The following PHF19 variants were observed in gnomAD, a reference collection of about 807,000 sequenced individuals.
The protein encoded by PHF19 is polycomb like 3.
Under a neutral mutation model 79.8 loss-of-function variants are expected in PHF19, and 21 were observed. That is an observed-to-expected ratio of 0.26 (90% confidence interval 0.19 to 0.38). PHF19 has a LOEUF of 0.38. Among genes scored for constraint, PHF19 ranks in the 10% least tolerant of loss-of-function variants. The pLI is 1.00. For missense variants in PHF19, 445 were observed against 744.2 expected, an observed-to-expected ratio of 0.60 and a Z score of 4.68; for synonymous variants, 273 against 296.3, an observed-to-expected ratio of 0.92 and a Z score of 0.81.
chr9:120,865,898 C>T (rs1357135780), intron 8 of PHF19, 68 bp from the exon 9 acceptor site: 1 of 1,610,434 alleles, frequency 6.2e-7, no homozygotes, highest in Non-Finnish European at 8.5e-7. Context: ...TCACAGCTTT[C>T]TGGGTCCAGG....
rs2045398283 is a variant in PHF19 at position 120,858,025 on chromosome 9, C to G, written c.1662G>C (p.Lys554Asn). The change falls in exon 15 of 15, where the codon AAG becomes AAC. Residue 554 changes from lysine to asparagine, a missense_variant. Coordinates refer to ENST00000373896, the MANE Select transcript of PHF19 (RefSeq NM_015651.3). Reference protein sequence around the residue: ...GAAGRLACGEKYQVLARRVTP... With the variant: ...GAAGRLACGENYQVLARRVTP... ...TGACCCTCCGAGCCAACACCTGGTA[C>G]TTCTCCCCACAGGCCAACCGCCCAG... The G allele has an allele frequency of 4.3e-6, 7 of 1,614,074 alleles. No homozygotes were observed. The Admixed American group carries it at 1.0e-4, about 23-fold the overall frequency.
At chr9:120,861,374 C>G (rs1389360841) in intron 12 of PHF19, among the ~76,000 whole-genome samples, 200 bp from the exon 13 acceptor site, 1 of 152,118 alleles carries the variant, frequency 6.6e-6, no homozygotes. Flanking sequence ...GCTGACTGTA[C>G]GACCTTCACG....
chr9:120,887,080 A>AAAGAG (rs146940278), intron 1 of PHF19, among the ~76,000 whole-genome samples: 3 of 151,392 alleles, frequency 2.0e-5, no homozygotes, highest in Non-Finnish European at 2.9e-5. Context: ...AAAAAAAAGA[A>AAAGAG]AAGAAAAGAA....
rs750958179 is a variant in PHF19 at position 120,869,356 on chromosome 9, A to C, written c.466-26T>G. On this transcript the variant is annotated intron_variant, in intron 5 of 14. Coordinates refer to ENST00000373896, the MANE Select transcript of PHF19 (RefSeq NM_015651.3). This position sits in a 1 kb window ranked among gnomAD's most constrained non-coding sequence, Gnocchi z 5.8. ...CTGGGGGGAGACGAGGGCCCCAGTCAACCACCAGGTCCGGGTGGACCACGC... is the reference window on the plus strand; with the variant it reads ...CTGGGGGGAGACGAGGGCCCCAGTCCACCACCAGGTCCGGGTGGACCACGC... 1 of 1,607,806 alleles carries C rather than the reference A, an allele frequency of 6.2e-7. No homozygotes were observed. Among genetic ancestry groups the C allele is most frequent in the South Asian group, 1.1e-5 (1 of 90,116 alleles).
chr9:120,874,888 C>A lies in PHF19; in HGVS notation c.-15-132G>T. On this transcript the variant is annotated intron_variant, in intron 1 of 14. Transcript: ENST00000373896. This position sits in a 1 kb window ranked among gnomAD's most constrained non-coding sequence, Gnocchi z 4.5. ...CTTGGTTATTATCTCACTGATTCCT[C>A]GTGACCATCCTATGAGGGAGACATT... The A allele has an allele frequency of 1.6e-6, 1 of 608,938 alleles. No individual in the cohort carries two copies. 37.7% of individuals were successfully genotyped at this position (608,938 alleles called of 1,614,324 possible). A position where few individuals can be genotyped will look rare whatever the true frequency, so the allele number is the denominator to read the frequency against.
Position 120,862,636 on chromosome 9 carries a change from T to G in PHF19, c.1082A>C (p.Glu361Ala). ...LLPDKGLLPN[E>A]NSASSELRKR... ...ACGCAGCTCAGAGGAGGCGCTGTTC[T>G]CATTTGGCAGCAGTCCTTTGTCAGG... Residue 361 changes from glutamate (E) to alanine (A), a missense_variant, in exon 11 of 15, where the codon GAG becomes GCG. Glu to Ala is a moderately radical substitution (Grantham distance 107). Coordinates refer to ENST00000373896, the MANE Select transcript of PHF19 (RefSeq NM_015651.3). This position sits in a 1 kb window ranked among gnomAD's most constrained non-coding sequence, Gnocchi z 4.6. 1 of 1,614,192 alleles carries G rather than the reference T, an allele frequency of 6.2e-7. No individual in the cohort carries two copies. The highest frequency in any genetic ancestry group is 1.3e-5 in the African/African-American group (1 of 75,062).
rs375497287 is a variant in PHF19, at chr9:120,869,169, C to T, written c.614+13G>A. ...TGCCCTGCCGCCCGGGGGGCCCTGA[C>T]CCCCTGCCTTACTCTCCGGGCCCGC... On this transcript the variant is annotated intron_variant, in intron 6 of 14. Transcript: ENST00000373896. The surrounding 1 kb of genome is among the most constrained non-coding windows in gnomAD (Gnocchi z 5.8). The T allele has an allele frequency of 3.7e-6, 6 of 1,602,658 alleles. No individual in the cohort carries two copies. In the African/African-American group the frequency reaches 8.0e-5, roughly 21 times the overall value.
chr9:120,861,365 C>A (rs1489865718), intron 12 of PHF19, among the ~76,000 whole-genome samples, 191 bp from the exon 13 acceptor site: 1 of 152,232 alleles, frequency 6.6e-6, no homozygotes, highest in African/African-American at 2.4e-5. Context: ...TTGTCTCTAG[C>A]TGACTGTACG....
intron 1 of PHF19, among the ~76,000 whole-genome samples, chr9:120,884,359 C>CCG (rs765585575): frequency 3.3e-5 from 5 of 152,132 alleles, no homozygotes; most frequent in Non-Finnish European, 7.3e-5. Flanking sequence ...ATGAGTCGAT[C>CCG]CGCGTGAGGT....
chr9:120,897,668 T>C (rs993978853), upstream of PHF19, among the ~76,000 whole-genome samples: 2 of 152,068 alleles, frequency 1.3e-5, no homozygotes, highest in African/African-American at 4.8e-5. Flanking sequence ...GTCATCAATA[T>C]AAAAATACGA....
intron 9 of PHF19, among the ~76,000 whole-genome samples, chr9:120,864,917 G>A (rs2045653482): frequency 6.6e-6 from 1 of 151,334 alleles, no homozygotes; most frequent in Non-Finnish European, 1.5e-5. Context: ...ATACTTTTTG[G>A]TACTTTAAAG....
upstream of PHF19, among the ~76,000 whole-genome samples, chr9:120,880,727 T>C (rs535004459): frequency 6.6e-6 from 1 of 152,156 alleles, no homozygotes; most frequent in South Asian, 2.1e-4. Context: ...TGGGAGGCTA[T>C]GGTGGGAAGA....
In PHF19 at chr9:120,866,063, C is replaced by T. The variant is rs755901305; in HGVS notation, c.744G>A (p.Gln248=). ...GCAGCCTCTCGATGTACTCTGGGCC[C>T]TGGTTACACACGGAGCAGAAGAACA... is the stretch of plus-strand genomic sequence containing the variant. ...FYLFFCSVCN[Q]GPEYIERLPL... is the part of the protein sequence containing the mutation. The change falls in exon 8 of 15, where the codon CAG becomes CAA. Residue 248 remains glutamine (Q), a synonymous_variant. Coordinates refer to ENST00000373896, the MANE Select transcript of PHF19 (RefSeq NM_015651.3). This position sits in a 1 kb window ranked among gnomAD's most constrained non-coding sequence, Gnocchi z 5.2. 3.1e-6 allele frequency: 5 copies of T among 1,613,900 alleles called. No homozygotes were observed. In the South Asian group the frequency reaches 3.3e-5, roughly 11 times the overall value.
In PHF19 at chr9:120,874,749, C is replaced by T. The variant is rs369855712; in HGVS notation, c.-8G>A. 1.0e-4 allele frequency: 164 copies of T among 1,608,466 alleles called. 1 individual carries two copies. The highest frequency in any genetic ancestry group is 1.3e-4 in the Non-Finnish European group (156 of 1,175,518). On this transcript the variant is annotated 5_prime_UTR_variant, in exon 2 of 15. Transcript: ENST00000373896. This position sits in a 1 kb window ranked among gnomAD's most constrained non-coding sequence, Gnocchi z 4.5. Reference sequence around the variant, plus strand: ...CAGAGCTCGATTCTCCATCAGCTTCCCCTGACACTGGGAGAGAAAGAACAG... The same window carrying T: ...CAGAGCTCGATTCTCCATCAGCTTCTCCTGACACTGGGAGAGAAAGAACAG...
upstream of PHF19, among the ~76,000 whole-genome samples, chr9:120,877,566 C>T (rs186336010): frequency 1.9e-4 from 29 of 152,192 alleles, no homozygotes; most frequent in East Asian, 5.0e-3. Context: ...CGCACACGAC[C>T]GCTCGCACAC....
chr9:120,863,819 GC>G (rs1480454365), intron 10 of PHF19, among the ~76,000 whole-genome samples: 3 of 152,210 alleles, frequency 2.0e-5, no homozygotes, highest in African/African-American at 7.2e-5. Flanking sequence ...CAGGGGTGCA[GC>G]CCCCCTACAG....
chr9:120,896,091 GTTTC>G (rs1390073997), upstream of PHF19, among the ~76,000 whole-genome samples: 5 of 152,152 alleles, frequency 3.3e-5, no homozygotes, highest in African/African-American at 4.8e-5. Context: ...CTGAGCCTCA[GTTTC>G]TTTATCTGTA....
At position 120,874,814 on chromosome 9, in the gene PHF19, A is replaced by T. The variant is rs552561606; in HGVS notation, c.-15-58T>A. The T allele has an allele frequency of 4.4e-6, 5 of 1,126,664 alleles. No individual in the cohort carries two copies. Among genetic ancestry groups the T allele is most frequent in the Non-Finnish European group, 5.2e-6 (4 of 762,296 alleles). 69.8% of individuals were successfully genotyped at this position (1,126,664 alleles called of 1,614,324 possible). A position where few individuals can be genotyped will look rare whatever the true frequency, so the allele number is the denominator to read the frequency against. ...GCTTCCCTGCTTCAGAAAGCCCATC[A>T]GGGGAAGGAAGGAAACCACCATTTC... On this transcript the variant is annotated intron_variant, in intron 1 of 14. Transcript: ENST00000373896. The surrounding 1 kb of genome is among the most constrained non-coding windows in gnomAD (Gnocchi z 4.5).
chr9:120,884,237 T>TGGAG (rs1554821632), intron 1 of PHF19, among the ~76,000 whole-genome samples: 1 of 151,678 alleles, frequency 6.6e-6, no homozygotes, highest in Non-Finnish European at 1.5e-5. Context: ...CTGACTCAGA[T>TGGAG]ATAGTTAATT....
Sources: allele counts gnomAD v4.1 joint callset (sites outside exome capture counted in the v4.1 genomes callset), GRCh38; gene constraint gnomAD v4.1.1; non-coding constraint Gnocchi (gnomAD v3.1); transcripts MANE v1.5; gene names NCBI Gene and HGNC (gene_info 2026-07-23, HGNC 2026-07-21).